The following DLGAP1 variants were observed in gnomAD, a reference collection of about 807,000 sequenced individuals.
The protein encoded by DLGAP1 is disks large-associated protein 1.
Under a neutral mutation model 90.8 loss-of-function variants are expected in DLGAP1, and 11 were observed. The ratio of observed to expected loss-of-function variants is 0.12; its 90% CI spans 0.08 to 0.20. DLGAP1 has a LOEUF of 0.20. Ranked by LOEUF, DLGAP1 falls within the 10% of genes least tolerant of loss-of-function variation. The probability of loss-of-function intolerance (pLI) is 1.00; values close to 1 mark genes in which losing one functional copy is unlikely to be tolerated. For synonymous variants in DLGAP1, 558 were observed against 540.7 expected, an observed-to-expected ratio of 1.03 and a Z score of -0.44; for missense variants, 1,050 against 1,333.8, an observed-to-expected ratio of 0.79 and a Z score of 3.31.
rs140486541 is a variant in DLGAP1, at chr18:4,411,514, C to G, written c.-267+43492G>C. Among the ~76,000 whole-genome samples, 19 of 152,102 alleles carry G rather than the reference C, an allele frequency of 1.2e-4. 1 individual carries two copies. The highest frequency in any genetic ancestry group is 2.5e-4 in the Non-Finnish European group (17 of 68,022). The stretch of plus-strand genomic sequence containing the variant: ...TTAGAGCAAAGTGAATAGATCAGAG[C>G]GAGTCAATTTCTATTTTCCATTGCT... On this transcript the variant is annotated intron_variant, in intron 1 of 12. Coordinates refer to ENST00000315677, the MANE Select transcript of DLGAP1 (RefSeq NM_004746.4).
At chr18:4,326,704 G>A (rs1349922264) in intron 1 of DLGAP1, among the ~76,000 whole-genome samples, 1 of 151,988 alleles carries the variant, frequency 6.6e-6, no homozygotes, top group African/African-American at 2.4e-5. Context: ...AACAAGGACG[G>A]TGCTGCATTT....
At position 3,936,039 on chromosome 18, in the gene DLGAP1, CATT is replaced by C. The variant is rs1365208330; in HGVS notation, c.-72-55902_-72-55900del. Among the ~76,000 whole-genome samples the C allele has an allele frequency of 1.7e-3, 260 of 152,302 alleles. 1 individual carries two copies. The highest frequency in any genetic ancestry group is 0.01 in the Middle Eastern group (3 of 294). ...CAATACAGAGTACTCTCTTGAGGGG[CATT>C]CCAGCCTCTGCTGGGGTCACATTGC... On this transcript the variant is annotated intron_variant, in intron 3 of 12. Coordinates refer to ENST00000315677, the MANE Select transcript of DLGAP1 (RefSeq NM_004746.4).
At chr18:4,419,118 A>G (rs1567907108) in intron 1 of DLGAP1, among the ~76,000 whole-genome samples, 1 of 152,198 alleles carries the variant, frequency 6.6e-6, no homozygotes, top group Non-Finnish European at 1.5e-5. Flanking sequence ...TGAAGAAGTA[A>G]TATGTATTAG....
intron 10 of DLGAP1, among the ~76,000 whole-genome samples, chr18:3,516,933 C>A (rs1398859857): frequency 6.6e-6 from 1 of 152,186 alleles, no homozygotes; most frequent in Non-Finnish European, 1.5e-5. Context: ...GGCATGAAAA[C>A]AACTTTCATC....
intron 3 of DLGAP1, among the ~76,000 whole-genome samples, chr18:3,890,205 T>TA (rs2071424779): frequency 6.6e-6 from 1 of 152,262 alleles, no homozygotes. Context: ...GTTATCCTCA[T>TA]ACAGCTTTAT....
At chr18:3,849,263 T>C (rs981865683) in intron 4 of DLGAP1, among the ~76,000 whole-genome samples, 1 of 152,300 alleles carries the variant, frequency 6.6e-6, no homozygotes, top group Non-Finnish European at 1.5e-5. Context: ...ACTTTACTTA[T>C]GAGCAGAAGG....
chr18:4,123,365 T>C (rs540572826), intron 2 of DLGAP1, among the ~76,000 whole-genome samples: 2 of 152,114 alleles, frequency 1.3e-5, no homozygotes, highest in East Asian at 1.9e-4. Flanking sequence ...TGGGACAATA[T>C]ACACTCTCAG....
chr18:4,205,226 G>C (rs1163356488), intron 1 of DLGAP1, among the ~76,000 whole-genome samples: 38 of 152,150 alleles, frequency 2.5e-4, no homozygotes, highest in Non-Finnish European at 2.9e-5. Flanking sequence ...AGGAGAAAGA[G>C]TAGTATCAGA....
intron 3 of DLGAP1, among the ~76,000 whole-genome samples, chr18:3,933,630 G>C (rs2072568126): frequency 6.6e-6 from 1 of 152,178 alleles, no homozygotes; most frequent in South Asian, 2.1e-4. Flanking sequence ...TTCCTTTCCT[G>C]AAAGCCTAGC....
At chr18:4,103,264 G>A (rs1026132854) in intron 2 of DLGAP1, among the ~76,000 whole-genome samples, 9 of 152,120 alleles carry the variant, frequency 5.9e-5, no homozygotes, top group East Asian at 1.9e-4. Context: ...TATCATAACT[G>A]TAGAGGAACT....
chr18:3,561,275 A>C lies in DLGAP1; in HGVS notation c.2057+6215T>G, dbSNP rs970227422. 2.1e-5 allele frequency among the ~76,000 whole-genome samples: 3 copies of C among 140,134 alleles called. 1 individual carries two copies. The highest frequency in any genetic ancestry group is 8.3e-5 in the African/African-American group (3 of 36,240). 91.9% of individuals were successfully genotyped at this position (140,134 alleles called of 152,430 possible). On this transcript the variant is annotated intron_variant, in intron 9 of 12. Coordinates refer to ENST00000315677, the MANE Select transcript of DLGAP1 (RefSeq NM_004746.4). ...TACTAAAAAAAAAAAACAAAAAAAA[A>C]AAAACAAACAAAAAATAGCCAGATG...
chr18:4,194,842 G>A (rs760745026), intron 1 of DLGAP1, among the ~76,000 whole-genome samples: 3 of 151,928 alleles, frequency 2.0e-5, no homozygotes, highest in Non-Finnish European at 2.9e-5. Flanking sequence ...ACAAAGTCAC[G>A]GTTTTGATAT....
intron 1 of DLGAP1, among the ~76,000 whole-genome samples, chr18:4,266,240 T>A (rs896697452): frequency 2.6e-5 from 4 of 152,192 alleles, no homozygotes; most frequent in African/African-American, 9.7e-5. Flanking sequence ...AGCTCTACAC[T>A]CCATCCAACT....
chr18:3,859,813 G>A (rs529204736), intron 4 of DLGAP1, among the ~76,000 whole-genome samples: 68 of 152,144 alleles, frequency 4.5e-4, no homozygotes, highest in African/African-American at 1.3e-3. Context: ...ATAAATTTGC[G>A]TTGTGGGCCA....
chr18:4,175,867 T>G (rs1310960519), intron 1 of DLGAP1, among the ~76,000 whole-genome samples: 3 of 152,214 alleles, frequency 2.0e-5, no homozygotes, highest in Non-Finnish European at 4.4e-5. Flanking sequence ...GTGTGATGCC[T>G]CTAGCTTTGT....
chr18:3,627,283 C>T (rs2058331032), intron 7 of DLGAP1, among the ~76,000 whole-genome samples: 1 of 152,094 alleles, frequency 6.6e-6, no homozygotes, highest in South Asian at 2.1e-4. Context: ...TGTGTGATTA[C>T]TAATACAATG....
intron 1 of DLGAP1, chr18:4,264,850 T>C (rs2079072776): frequency 6.6e-6 from 1 of 152,188 alleles, no homozygotes; most frequent in Non-Finnish European, 1.5e-5. Context: ...TGGCAAGGCT[T>C]TCTCCAGGTG....
intron 1 of DLGAP1, among the ~76,000 whole-genome samples, chr18:4,315,881 T>C (rs2080513049): frequency 6.6e-6 from 1 of 152,224 alleles, no homozygotes; most frequent in South Asian, 2.1e-4. Context: ...AAATACTGAT[T>C]GAATGAATGG....
intron 7 of DLGAP1, among the ~76,000 whole-genome samples, chr18:3,625,826 A>G (rs757447285): frequency 2.0e-4 from 31 of 152,250 alleles, no homozygotes; most frequent in Non-Finnish European, 4.6e-4. Flanking sequence ...GGCATGTCAC[A>G]AATTCCTTGA....
Sources: gnomAD v4.1 joint callset for allele counts (sites outside exome capture counted in the v4.1 genomes callset) on GRCh38, gnomAD v4.1.1 for gene constraint, MANE v1.5 for transcripts, NCBI Gene and HGNC (gene_info 2026-07-23, HGNC 2026-07-21) for gene names.